The following PDE1A variants were observed in gnomAD, a reference collection of about 807,000 sequenced individuals.
The protein encoded by PDE1A is phosphodiesterase 1A, also known as dual specificity calcium/calmodulin-dependent 3',5'-cyclic nucleotide phosphodiesterase 1A.
PDE1A carries 35 observed loss-of-function variants against 61.7 expected under a neutral mutation model. That is an observed-to-expected ratio of 0.57 (90% confidence interval 0.43 to 0.75). The LOEUF (loss-of-function observed/expected upper bound fraction) is 0.75, where lower values mean the gene tolerates loss of function less well. Ranked by LOEUF, PDE1A falls within the 30% of genes least tolerant of loss-of-function variation. PDE1A has a pLI of 0.00. For synonymous variants in PDE1A, 232 were observed against 213.2 expected, an observed-to-expected ratio of 1.09 and a Z score of -0.77; for missense variants, 597 against 630.6, an observed-to-expected ratio of 0.95 and a Z score of 0.57.
At position 182,364,466 on chromosome 2, in the gene PDE1A, TAAAAAAAAAAAAAA is replaced by T. The variant is rs201821721; in HGVS notation, c.53+62098_53+62111del. On this transcript the variant is annotated intron_variant, in intron 1 of 13. Coordinates refer to ENST00000351439, the Ensembl canonical transcript of PDE1A. ...CTCAGACTATATTAGAACACTTTGG[TAAAAAAAAAAAAAA>T]AAAAAAAAAAAAAAAAAAACCTTAT... 2.8e-3 allele frequency among the ~76,000 whole-genome samples: 99 copies of T among 35,852 alleles called. 2 individuals carry two copies. Among genetic ancestry groups the T allele is most frequent in the African/African-American group, 7.9e-3 (78 of 9,824 alleles). 23.5% of individuals were successfully genotyped at this position (35,852 alleles called of 152,430 possible). A position where few individuals can be genotyped will look rare whatever the true frequency, so the allele number is the denominator to read the frequency against.
chr2:182,230,264 G>A, intron 5 of PDE1A, 118 bp from the exon 6 acceptor site: 1 of 697,972 alleles, frequency 1.4e-6, no homozygotes, highest in Non-Finnish European at 2.3e-6. Context: ...GTTTCTTTAT[G>A]TCAAATGTTG....
intron 1 of PDE1A, among the ~76,000 whole-genome samples, chr2:182,303,043 T>C (rs974417843): frequency 1.3e-5 from 2 of 152,182 alleles, no homozygotes; most frequent in African/African-American, 2.4e-5. Context: ...AGTAACTTCC[T>C]TTACTGAAGT....
At chr2:182,609,446 C>T in the PDE1A span, among the ~76,000 whole-genome samples, 2 of 152,248 alleles carry the variant, frequency 1.3e-5, no homozygotes, top group South Asian at 4.1e-4. Flanking sequence ...TGCTGTTGCT[C>T]ACTCGTTGGG....
chr2:182,552,952 C>G, the PDE1A span, among the ~76,000 whole-genome samples: 55 of 152,320 alleles, frequency 3.6e-4, 1 homozygote, highest in African/African-American at 1.3e-3. Context: ...GACTCCCATC[C>G]CTCCAGATCC....
intron 13 of PDE1A, among the ~76,000 whole-genome samples, chr2:182,151,674 T>A (rs189736968): frequency 8.9e-4 from 136 of 152,326 alleles, no homozygotes; most frequent in Admixed American, 2.1e-3. Flanking sequence ...CCTTTAAAAA[T>A]TAGTTTTGTT....
chr2:182,584,754 C>CA, the PDE1A span, among the ~76,000 whole-genome samples: 1 of 152,190 alleles, frequency 6.6e-6, no homozygotes, highest in African/African-American at 2.4e-5. Context: ...GCTCACCTCT[C>CA]AGCAGAAAGC....
the PDE1A span, among the ~76,000 whole-genome samples, chr2:182,653,977 CAAATG>C: frequency 6.6e-6 from 1 of 152,122 alleles, no homozygotes; most frequent in South Asian, 2.1e-4. Flanking sequence ...ATGTAGTGGA[CAAATG>C]AAATGATCTG....
chr2:182,192,422 G>A (rs1413400953), intron 10 of PDE1A, among the ~76,000 whole-genome samples: 1 of 152,032 alleles, frequency 6.6e-6, no homozygotes, highest in Non-Finnish European at 1.5e-5. Context: ...TAAAGGCCAT[G>A]AGTGCAAGAT....
At chr2:182,413,834 A>G (rs2125537617) in intron 1 of PDE1A, among the ~76,000 whole-genome samples, 1 of 152,210 alleles carries the variant, frequency 6.6e-6, no homozygotes, top group African/African-American at 2.4e-5. Flanking sequence ...GGGTGCACAT[A>G]TGTGTGTGTG....
At chr2:182,264,533 A>G (rs1692463155) in intron 1 of PDE1A, 119 bp from the exon 2 acceptor site, 1 of 633,686 alleles carries the variant, frequency 1.6e-6, no homozygotes, top group Non-Finnish European at 2.7e-6. Context: ...TTCTAGGTCA[A>G]CAAATAGCAT....
upstream of PDE1A, among the ~76,000 whole-genome samples, chr2:182,527,321 AAAAAAAATATATATATATATAT>A (rs1690788868): frequency 2.2e-5 from 1 of 45,078 alleles, no homozygotes; most frequent in Non-Finnish European, 4.0e-5. Context: ...AAAAAAAAAA[AAAAAAAATATATATATATATAT>A]ATATATATAT....
At chr2:182,361,470 T>G (rs1352182648) in intron 1 of PDE1A, among the ~76,000 whole-genome samples, 1 of 152,112 alleles carries the variant, frequency 6.6e-6, no homozygotes, top group African/African-American at 2.4e-5. Flanking sequence ...ACTACTTGTT[T>G]GTCTAATAGG....
At chr2:182,444,411 T>C (rs1330150997) in intron 2 of PDE1A, among the ~76,000 whole-genome samples, 1 of 152,118 alleles carries the variant, frequency 6.6e-6, no homozygotes, top group East Asian at 1.9e-4. Context: ...TTATACTTCT[T>C]TTCATTAATC....
downstream of PDE1A, among the ~76,000 whole-genome samples, chr2:182,166,503 T>C (rs1220017900): frequency 6.6e-6 from 1 of 151,992 alleles, no homozygotes; most frequent in Non-Finnish European, 1.5e-5. Flanking sequence ...GGGAAGGGGG[T>C]GGTCTAAGGC....
At chr2:182,454,616 A>G (rs568252235) in intron 2 of PDE1A, among the ~76,000 whole-genome samples, 102 of 151,872 alleles carry the variant, frequency 6.7e-4, no homozygotes, top group African/African-American at 2.0e-3. Flanking sequence ...ATAATGCCGC[A>G]TATCTACAAC....
At chr2:182,427,313 A>C (rs759857030), upstream of PDE1A, among the ~76,000 whole-genome samples, 131 of 152,206 alleles carry the variant, frequency 8.6e-4, no homozygotes, top group Non-Finnish European at 1.4e-3. Context: ...TAATCTAATA[A>C]CCTCCTCTTG....
At chr2:182,428,433 T>A (rs1298942703), upstream of PDE1A, among the ~76,000 whole-genome samples, 1 of 152,056 alleles carries the variant, frequency 6.6e-6, no homozygotes, top group African/African-American at 2.4e-5. Flanking sequence ...AAGCTATAAA[T>A]AAAAAGATGA....
At chr2:182,606,847 G>T in the PDE1A span, among the ~76,000 whole-genome samples, 8 of 152,268 alleles carry the variant, frequency 5.3e-5, no homozygotes, top group Admixed American at 2.0e-4. Flanking sequence ...AAAGGGAAGA[G>T]CAAGTACAAA....
At chr2:182,413,265 T>C (rs1477703344) in intron 1 of PDE1A, among the ~76,000 whole-genome samples, 2 of 151,988 alleles carry the variant, frequency 1.3e-5, no homozygotes, top group Non-Finnish European at 2.9e-5. Context: ...AGGAGTGACA[T>C]AACCATGACA....
Sources: allele counts gnomAD v4.1 joint callset (sites outside exome capture counted in the v4.1 genomes callset), GRCh38; gene constraint gnomAD v4.1.1; transcripts MANE v1.5; gene names NCBI Gene and HGNC (gene_info 2026-07-23, HGNC 2026-07-21).